The following DAAM2 variants were observed in gnomAD, a reference collection of about 807,000 sequenced individuals.
DAAM2 encodes the protein disheveled-associated activator of morphogenesis 2.
DAAM2 carries 39 observed loss-of-function variants against 120.7 expected under a neutral mutation model. The observed-to-expected ratio is 0.32, with a 90% confidence interval of 0.25 to 0.42. DAAM2 has a LOEUF of 0.42. Ranked by LOEUF, DAAM2 falls within the 10% of genes least tolerant of loss-of-function variation. DAAM2 has a pLI of 1.00. For synonymous variants in DAAM2, 488 were observed against 524.9 expected (o/e 0.93, Z 0.96); for missense variants, 1,283 against 1,401.7 (o/e 0.92, Z 1.35).
intron 1 of DAAM2, among the ~76,000 whole-genome samples, chr6:39,794,737 G>A (rs1761649644): frequency 6.6e-6 from 1 of 152,184 alleles, no homozygotes; most frequent in Non-Finnish European, 1.5e-5. Flanking sequence ...CAGGTGTAAA[G>A]AATGAAGATA....
In DAAM2 at chr6:39,887,548, C is replaced by A; in HGVS notation, c.2016C>A (p.Val672=). Residue 672 remains valine, a synonymous_variant, in exon 16 of 25, where the codon GTC becomes GTA. Coordinates refer to ENST00000274867, the MANE Select transcript of DAAM2 (RefSeq NM_001201427.2). The stretch of plus-strand genomic sequence containing the variant: ...CCCGCAAGGTCAAAGAGCTGTCGGT[C>A]ATTGATGGCCGGAGGGCCCAAAACT... ...LASRKVKELS[V]IDGRRAQNCI... 1 of 1,613,782 alleles carries A rather than the reference C, an allele frequency of 6.2e-7. No individual in the cohort carries two copies. The highest frequency in any genetic ancestry group is 1.1e-5 in the South Asian group (1 of 90,952).
intron 1 of DAAM2, among the ~76,000 whole-genome samples, chr6:39,837,045 C>G (rs1223224875): frequency 6.6e-6 from 1 of 152,222 alleles, no homozygotes; most frequent in African/African-American, 2.4e-5. Context: ...GTCAACATCT[C>G]TGGGAGTGGG....
At chr6:39,871,627 C>A in intron 9 of DAAM2, 55 bp downstream of exon 9, 1 of 1,484,248 alleles carries the variant, frequency 6.7e-7, no homozygotes, top group Non-Finnish European at 9.2e-7. Context: ...TTCTTGGTGG[C>A]CCCACAGCCA....
rs1764883725 is a variant in DAAM2 at position 39,876,718 on chromosome 6, T to TGC, written c.1301+1251_1301+1252insCG. Among the ~76,000 whole-genome samples, 6 of 108,558 alleles carry TGC rather than the reference T, an allele frequency of 5.5e-5. No individual in the cohort carries two copies. In the Admixed American group the frequency reaches 5.5e-4, roughly 10 times the overall value. The allele number at this position is 108,558 out of a possible 152,430, so 71.2% of individuals were successfully genotyped here. ...CTGGAATGGGAAGGGTGTGTGTGTG[T>TGC]GTGTGTGTGTGCGTGTGTGTATGTG... On this transcript the variant is annotated intron_variant, in intron 11 of 24. Transcript: ENST00000274867.
rs2149391480 is a variant in DAAM2, at chr6:39,904,702, C to T, written c.*2665C>T. 2 of 454,106 alleles carry T rather than the reference C, an allele frequency of 4.4e-6. No homozygotes were observed. The highest frequency in any genetic ancestry group is 4.0e-5 in the African/African-American group (2 of 50,102). 28.1% of individuals were successfully genotyped at this position (454,106 alleles called of 1,614,324 possible). On this transcript the variant is annotated 3_prime_UTR_variant, in exon 25 of 25. Coordinates refer to ENST00000274867, the MANE Select transcript of DAAM2 (RefSeq NM_001201427.2). Reference sequence around the variant, plus strand: ...TGGGGAACTGTGACTATCTATCTCCCCCGACTTCTACCAGGGATGCCTTCA... The same window carrying T: ...TGGGGAACTGTGACTATCTATCTCCTCCGACTTCTACCAGGGATGCCTTCA...
chr6:39,838,963 C>T (rs1364673073), intron 1 of DAAM2, among the ~76,000 whole-genome samples: 3 of 151,950 alleles, frequency 2.0e-5, no homozygotes, highest in African/African-American at 7.3e-5. Flanking sequence ...CTGGCCAGGA[C>T]TTTCAGTTTT....
chr6:39,802,163 C>T (rs1348585901), intron 1 of DAAM2, among the ~76,000 whole-genome samples: 1 of 152,222 alleles, frequency 6.6e-6, no homozygotes, highest in African/African-American at 2.4e-5. Context: ...AGTTACCATC[C>T]TCGCTGCCCT....
chr6:39,800,439 T>C (rs1168529748), intron 1 of DAAM2, among the ~76,000 whole-genome samples: 2 of 151,880 alleles, frequency 1.3e-5, no homozygotes, highest in Non-Finnish European at 2.9e-5. Flanking sequence ...GGATGATCAA[T>C]GAGATTGGAG....
intron 1 of DAAM2, among the ~76,000 whole-genome samples, chr6:39,805,852 C>T (rs1761995945): frequency 6.6e-6 from 1 of 152,000 alleles, no homozygotes; most frequent in Non-Finnish European, 1.5e-5. Context: ...GTGCCCGGCC[C>T]CTAAGGTATT....
chr6:39,806,534 C>T (rs1762013523), intron 1 of DAAM2, among the ~76,000 whole-genome samples: 1 of 152,134 alleles, frequency 6.6e-6, no homozygotes, highest in African/African-American at 2.4e-5. Context: ...GCTGGAATTT[C>T]TGCTTCATGT....
rs56736428 is a variant in DAAM2, at chr6:39,815,651, TACAC to T, written c.-57+23217_-57+23220del. Among the ~76,000 whole-genome samples, 201 of 149,076 alleles carry T rather than the reference TACAC, an allele frequency of 1.3e-3. 1 individual carries two copies. The highest frequency in any genetic ancestry group is 0.012 in the South Asian group (55 of 4,668). ...TGGAATTACTCCCATACCCCTGGTTTACACACACACACACACACACACACACACA... is the reference window on the plus strand; with the variant it reads ...TGGAATTACTCCCATACCCCTGGTTTACACACACACACACACACACACACA... On this transcript the variant is annotated intron_variant, in intron 1 of 24. Coordinates refer to ENST00000274867, the MANE Select transcript of DAAM2 (RefSeq NM_001201427.2).
chr6:39,802,319 T>C (rs143890841), intron 1 of DAAM2, among the ~76,000 whole-genome samples: 1 of 152,378 alleles, frequency 6.6e-6, no homozygotes, highest in African/African-American at 2.4e-5. Flanking sequence ...TGGCCTGGAT[T>C]CTGATTCTGG....
chr6:39,868,834 C>A lies in DAAM2; in HGVS notation c.774C>A (p.Asn258Lys). Reference protein sequence around the residue: ...AERTRFQTLLNELDRSLGRYR... With the variant: ...AERTRFQTLLKELDRSLGRYR... ...GCATTTCCACCTAGACCCTGCTGAA[C>A]GAGCTAGACCGAAGTCTGGGCCGGT... Residue 258 changes from asparagine to lysine, a missense_variant, in exon 7 of 25, where the codon AAC (asparagine) becomes AAA (lysine). Physicochemically the swap from Asn to Lys is moderately conservative, Grantham distance 94. This residue lies in a region of DAAM2 where 338 missense variants were observed against 443.9 expected (regional missense o/e 0.76). Coordinates refer to ENST00000274867, the MANE Select transcript of DAAM2 (RefSeq NM_001201427.2). The A allele has an allele frequency of 6.3e-7, 1 of 1,578,840 alleles. No homozygotes were observed. Among genetic ancestry groups the A allele is most frequent in the Admixed American group, 1.8e-5 (1 of 54,862 alleles).
intron 6 of DAAM2, chr6:39,868,331 G>A (rs2504090): frequency 0.66 from 141,077 of 212,648 alleles, 48,317 homozygotes; most frequent in African/African-American, 0.84. Context: ...AGAAGTATCA[G>A]TGAGATGAAC....
In DAAM2 at chr6:39,892,873, T is replaced by TAC. The variant is rs149456314; in HGVS notation, c.2341+1163_2341+1164dup. ...AATCAGATCTTGTTCCCCCTCACAC[T>TAC]ACACACACACACAGCAAGGGACCTG... On this transcript the variant is annotated intron_variant, in intron 19 of 24. Coordinates refer to ENST00000274867, the MANE Select transcript of DAAM2 (RefSeq NM_001201427.2). Among the ~76,000 whole-genome samples the TAC allele has an allele frequency of 7.9e-5, 12 of 151,936 alleles. No individual in the cohort carries two copies. The South Asian group carries it at 8.3e-4, about 11-fold the overall frequency.
chr6:39,882,489 T>C (rs1462545560), intron 14 of DAAM2, among the ~76,000 whole-genome samples: 1 of 152,022 alleles, frequency 6.6e-6, no homozygotes, highest in Non-Finnish European at 1.5e-5. Context: ...GCTTTACCTC[T>C]GCAGGCTTCT....
intron 1 of DAAM2, among the ~76,000 whole-genome samples, chr6:39,795,504 G>A (rs1191840243): frequency 6.6e-6 from 1 of 152,190 alleles, no homozygotes; most frequent in Admixed American, 6.5e-5. Context: ...TGTAAAATAA[G>A]GATAGTATTT....
At chr6:39,874,748 A>G (rs1326960327) in intron 10 of DAAM2, among the ~76,000 whole-genome samples, 2 of 152,202 alleles carry the variant, frequency 1.3e-5, no homozygotes, top group Admixed American at 6.5e-5. Context: ...GTGAGACTCT[A>G]TGAGATCACA....
intron 19 of DAAM2, among the ~76,000 whole-genome samples, chr6:39,896,602 C>A (rs537367872): frequency 6.6e-6 from 1 of 152,160 alleles, no homozygotes; most frequent in Non-Finnish European, 1.5e-5. Flanking sequence ...GGTGAATTGG[C>A]CTTGGTGAAT....
Sources: gnomAD v4.1 joint callset for allele counts (sites outside exome capture counted in the v4.1 genomes callset) on GRCh38, gnomAD v4.1.1 for gene constraint, gnomAD v4.1.1 regional missense constraint, MANE v1.5 for transcripts, NCBI Gene and HGNC (gene_info 2026-07-23, HGNC 2026-07-21) for gene names.